Variants in IL1RAPL2 observed in about 807,000 individuals in gnomAD.
The protein encoded by IL1RAPL2 is interleukin 1 receptor accessory protein like 2, also known as X-linked interleukin-1 receptor accessory protein-like 2.
A neutral mutation model predicts 44.1 loss-of-function variants in IL1RAPL2; 3 were observed. The observed-to-expected ratio is 0.07, with a 90% CI of 0.03 to 0.18. The LOEUF is 0.18. Among genes scored for constraint, IL1RAPL2 ranks in the 10% least tolerant of loss-of-function variants. The pLI is 1.00. For synonymous variants in IL1RAPL2, 181 were observed against 178.8 expected, an observed-to-expected ratio of 1.01 and a Z score of -0.10; for missense variants, 391 against 496.4, an observed-to-expected ratio of 0.79 and a Z score of 2.02.
At chrX:104,598,647 G>T (rs922597159) in intron 1 of IL1RAPL2, among the ~76,000 whole-genome samples, 4 of 112,229 alleles carry the variant, frequency 3.6e-5, no homozygotes, top group African/African-American at 1.3e-4. Flanking sequence ...GCTTAGACTT[G>T]TTCTCTCTAA....
At chrX:104,620,006 A>G (rs1434338162) in intron 1 of IL1RAPL2, among the ~76,000 whole-genome samples, 1 of 110,980 alleles carries the variant, frequency 9.0e-6, no homozygotes, top group African/African-American at 3.3e-5. Context: ...GGAAGCATGT[A>G]TGGGGCCCTG....
At chrX:105,722,980 C>G (rs187219892) in intron 7 of IL1RAPL2, among the ~76,000 whole-genome samples, 1 of 111,217 alleles carries the variant, frequency 9.0e-6, no homozygotes, top group East Asian at 2.8e-4. Flanking sequence ...TTAACACACT[C>G]TTTCATTCTT....
Position 104,728,537 on chromosome X carries a change from A to T in IL1RAPL2, c.82+69542A>T, listed in dbSNP as rs140277642. ...ACATTTGGAAATATGTTTGTTGCAG[A>T]CATAATGAGTTAAGATGAGGTAATC... On this transcript the variant is annotated intron_variant, in intron 2 of 10. Coordinates refer to ENST00000372582, the MANE Select transcript of IL1RAPL2 (RefSeq NM_017416.2). Among the ~76,000 whole-genome samples the T allele has an allele frequency of 5.9e-3, 652 of 111,427 alleles. 2 individuals are homozygous for T. Among genetic ancestry groups the T allele is most frequent in the Non-Finnish European group, 8.7e-3 (462 of 52,959 alleles).
intron 5 of IL1RAPL2, among the ~76,000 whole-genome samples, chrX:105,287,427 C>T (rs1164452297): frequency 1.8e-5 from 2 of 111,471 alleles, no homozygotes; most frequent in Non-Finnish European, 3.8e-5. Context: ...AGGTAAGGGA[C>T]AGACAGTGCA....
At chrX:105,136,897 T>G (rs2033081215) in intron 2 of IL1RAPL2, among the ~76,000 whole-genome samples, 1 of 112,457 alleles carries the variant, frequency 8.9e-6, no homozygotes, top group African/African-American at 3.2e-5. Flanking sequence ...CCCTGCTACA[T>G]TCTTTTATGC....
chrX:104,809,861 C>A (rs1426994367), intron 2 of IL1RAPL2, among the ~76,000 whole-genome samples: 1 of 111,104 alleles, frequency 9.0e-6, no homozygotes, highest in Non-Finnish European at 1.9e-5. Flanking sequence ...TATGGCGATT[C>A]CTCAGGGATC....
intron 2 of IL1RAPL2, among the ~76,000 whole-genome samples, chrX:104,901,296 C>T (rs1296368933): frequency 2.9e-5 from 3 of 102,338 alleles, no homozygotes; most frequent in Non-Finnish European, 5.9e-5. Context: ...CTGCAAGCTC[C>T]GCCTCCCGGG....
intron 1 of IL1RAPL2, among the ~76,000 whole-genome samples, chrX:104,626,359 G>A (rs1259004318): frequency 9.2e-6 from 1 of 108,896 alleles, no homozygotes; most frequent in Non-Finnish European, 1.9e-5. Flanking sequence ...TTATGACCCT[G>A]AGGCATAATT....
Position 105,301,848 on chromosome X carries a change from T to C in IL1RAPL2, c.697+34307T>C, listed in dbSNP as rs188620547. Among the ~76,000 whole-genome samples the C allele has an allele frequency of 3.1e-3, 350 of 112,241 alleles. 3 individuals carry two copies. The highest frequency in any genetic ancestry group is 2.5e-3 in the Non-Finnish European group (133 of 53,263). ...TGCAGTAAACATCAGAGTGCAGATA[T>C]ATTTTCCATAAACAGATTTCCTTTA... On this transcript the variant is annotated intron_variant, in intron 5 of 10. Coordinates refer to ENST00000372582, the MANE Select transcript of IL1RAPL2 (RefSeq NM_017416.2).
At chrX:104,617,328 T>C (rs1431725264) in intron 1 of IL1RAPL2, among the ~76,000 whole-genome samples, 1 of 112,114 alleles carries the variant, frequency 8.9e-6, no homozygotes, top group African/African-American at 3.2e-5. Context: ...TTGGATAGTC[T>C]GGTGACTGCA....
intron 2 of IL1RAPL2, among the ~76,000 whole-genome samples, chrX:104,681,570 A>C (rs1459007980): frequency 8.9e-6 from 1 of 112,875 alleles, no homozygotes; most frequent in African/African-American, 3.2e-5. Context: ...TTGATGAAGA[A>C]GAGTTGTCTT....
chrX:105,219,181 G>C (rs2033907214), intron 3 of IL1RAPL2: 3 of 1,208,768 alleles, frequency 2.5e-6, no homozygotes, highest in African/African-American at 1.8e-5. Context: ...AGTATCAAAG[G>C]CCTCCCAGTC....
intron 2 of IL1RAPL2, among the ~76,000 whole-genome samples, chrX:104,746,284 T>G (rs1932173877): frequency 9.0e-6 from 1 of 111,371 alleles, no homozygotes; most frequent in African/African-American, 3.3e-5. Context: ...TGGTTTTTCC[T>G]CTGTATCACA....
At chrX:105,749,145 C>T in intron 9 of IL1RAPL2, 42 bp downstream of exon 9, 1 of 1,157,293 alleles carries the variant, frequency 8.6e-7, no homozygotes, top group African/African-American at 1.8e-5. Flanking sequence ...AAACGGCATG[C>T]ATTTGTGATT....
intron 2 of IL1RAPL2, among the ~76,000 whole-genome samples, chrX:104,667,871 G>A (rs896155415): frequency 4.5e-5 from 5 of 111,361 alleles, no homozygotes; most frequent in Non-Finnish European, 7.5e-5. Context: ...CATATAAGAG[G>A]CATGGATATA....
At chrX:105,689,967 G>A (rs1026952487) in intron 6 of IL1RAPL2, among the ~76,000 whole-genome samples, 2 of 111,199 alleles carry the variant, frequency 1.8e-5, no homozygotes, top group Non-Finnish European at 3.8e-5. Flanking sequence ...CTGTTACAAG[G>A]ACAGAAAACC....
intron 2 of IL1RAPL2, among the ~76,000 whole-genome samples, chrX:105,119,509 C>G (rs1346686335): frequency 8.9e-6 from 1 of 111,741 alleles, no homozygotes; most frequent in Non-Finnish European, 1.9e-5. Context: ...ATTTCTACTT[C>G]CCCACACCTC....
intron 6 of IL1RAPL2, among the ~76,000 whole-genome samples, chrX:105,683,989 C>A (rs914081940): frequency 1.6e-4 from 18 of 112,401 alleles, no homozygotes; most frequent in African/African-American, 5.8e-4. Context: ...GGCATTCTAT[C>A]CTACTTAGAA....
intron 2 of IL1RAPL2, among the ~76,000 whole-genome samples, chrX:105,105,050 A>G (rs1390094758): frequency 8.9e-6 from 1 of 112,123 alleles, no homozygotes; most frequent in East Asian, 2.8e-4. Context: ...TCAGTGCTCA[A>G]TAATTACTTG....
Sources: gnomAD v4.1 joint callset for allele counts (sites outside exome capture counted in the v4.1 genomes callset) on GRCh38, gnomAD v4.1.1 for gene constraint, MANE v1.5 for transcripts, NCBI Gene and HGNC (gene_info 2026-07-23, HGNC 2026-07-21) for gene names.